Variants in NUDCD1 observed in about 807,000 individuals in gnomAD.
NUDCD1 encodes the protein NudC domain containing 1.
A neutral mutation model predicts 67.8 loss-of-function variants in NUDCD1; 60 were observed. The ratio of observed to expected loss-of-function variants is 0.88; its 90% CI spans 0.72 to 1.10. The LOEUF (loss-of-function observed/expected upper bound fraction) is 1.10. Ranked by LOEUF, NUDCD1 falls within the 50% of genes least tolerant of loss-of-function variation. NUDCD1 has a pLI of 0.00. For synonymous variants in NUDCD1, 244 were observed against 230.8 expected (o/e 1.06, Z -0.52); for missense variants, 643 against 695.0 (o/e 0.93, Z 0.84).
chr8:109,268,336 C>A (rs1373702123), intron 8 of NUDCD1, among the ~76,000 whole-genome samples: 1 of 152,132 alleles, frequency 6.6e-6, no homozygotes, highest in African/African-American at 2.4e-5. Flanking sequence ...CCTCTAGGGG[C>A]AGCCAGAGCT....
At position 109,289,770 on chromosome 8, in the gene NUDCD1, G is replaced by T; in HGVS notation, c.804C>A (p.Asp268Glu). The T allele has an allele frequency of 2.0e-6, 3 of 1,514,052 alleles. No individual in the cohort carries two copies. The highest frequency in any genetic ancestry group is 2.7e-6 in the Non-Finnish European group (3 of 1,100,326). 93.8% of individuals were successfully genotyped at this position (1,514,052 alleles called of 1,614,324 possible). A position where few individuals can be genotyped will look rare whatever the true frequency, so the allele number is the denominator to read the frequency against. ...GQDLEENMDE[D>E]ISEKIKEPLY... The stretch of plus-strand genomic sequence containing the variant: ...AATTACCTTTGATTTTCTCTGATAT[G>T]TCTTCATCCATATTTTCTTCAAGAT... The change falls in exon 5 of 10, where the codon GAC becomes GAA. Residue 268 changes from aspartate to glutamate, a missense_variant. Physicochemically the swap from Asp to Glu is conservative, Grantham distance 45. Transcript: ENST00000239690.
At chr8:109,262,107 A>T (rs918875604) in intron 8 of NUDCD1, among the ~76,000 whole-genome samples, 1 of 152,228 alleles carries the variant, frequency 6.6e-6, no homozygotes, top group Non-Finnish European at 1.5e-5. Flanking sequence ...GGAATCTACC[A>T]AGAAAAAGAA....
intron 1 of NUDCD1, 108 bp downstream of exon 1, chr8:109,333,785 C>T: frequency 1.6e-6 from 2 of 1,227,278 alleles, no homozygotes; most frequent in Non-Finnish European, 2.3e-6. Flanking sequence ...CAAGCCGCCA[C>T]GGTGGCTTCG....
At chr8:109,253,319 A>T (rs1184742148) in intron 8 of NUDCD1, among the ~76,000 whole-genome samples, 1 of 152,186 alleles carries the variant, frequency 6.6e-6, no homozygotes, top group Non-Finnish European at 1.5e-5. Flanking sequence ...AGTGATCAAT[A>T]AGTAGAAGTA....
intron 1 of NUDCD1, among the ~76,000 whole-genome samples, chr8:109,330,379 T>G (rs1301089341): frequency 6.6e-6 from 1 of 152,200 alleles, no homozygotes; most frequent in Non-Finnish European, 1.5e-5. Context: ...GTAGCCAAGG[T>G]GCCCATCAAA....
At chr8:109,290,117 T>C (rs1381723164) in intron 4 of NUDCD1, among the ~76,000 whole-genome samples, 184 bp from the exon 5 acceptor site, 2 of 152,204 alleles carry the variant, frequency 1.3e-5, no homozygotes, top group African/African-American at 4.8e-5. Context: ...AATAAGTCCC[T>C]ATTTTAAAAT....
At chr8:109,250,031 A>AG (rs1164311078) in intron 8 of NUDCD1, among the ~76,000 whole-genome samples, 1 of 151,612 alleles carries the variant, frequency 6.6e-6, no homozygotes, top group Admixed American at 6.6e-5. Context: ...TTTTTTGTAG[A>AG]GATGAGGGGT....
chr8:109,271,457 C>CGA (rs1563666555), intron 7 of NUDCD1, among the ~76,000 whole-genome samples: 1 of 152,112 alleles, frequency 6.6e-6, no homozygotes, highest in Non-Finnish European at 1.5e-5. Context: ...ACAGATGTGA[C>CGA]AGACAGCTGA....
intron 8 of NUDCD1, among the ~76,000 whole-genome samples, chr8:109,260,100 C>T (rs1195149795): frequency 6.6e-6 from 1 of 152,162 alleles, no homozygotes; most frequent in Non-Finnish European, 1.5e-5. Context: ...TTAAAGCTGT[C>T]ATTAAAGTGA....
At chr8:109,306,110 C>T (rs1442034428) in intron 2 of NUDCD1, among the ~76,000 whole-genome samples, 2 of 152,194 alleles carry the variant, frequency 1.3e-5, no homozygotes, top group African/African-American at 4.8e-5. Context: ...ACTCACCACT[C>T]TCAACTACTC....
chr8:109,274,070 G>A (rs1211354655), intron 7 of NUDCD1, among the ~76,000 whole-genome samples: 2 of 152,010 alleles, frequency 1.3e-5, no homozygotes, highest in East Asian at 1.9e-4. Context: ...TTTCTTCAAT[G>A]TAATAAAAAG....
chr8:109,326,325 G>A (rs1164330122), intron 1 of NUDCD1, among the ~76,000 whole-genome samples: 1 of 152,086 alleles, frequency 6.6e-6, no homozygotes, highest in Non-Finnish European at 1.5e-5. Context: ...CACCTCTCTG[G>A]CCTCAAATGA....
intron 5 of NUDCD1, among the ~76,000 whole-genome samples, chr8:109,289,550 A>C (rs940239955): frequency 6.6e-6 from 1 of 152,204 alleles, no homozygotes; most frequent in African/African-American, 2.4e-5. Flanking sequence ...GGTAATAACA[A>C]AATGATCAAA....
At chr8:109,312,617 G>A (rs936033952) in intron 2 of NUDCD1, among the ~76,000 whole-genome samples, 11 of 152,064 alleles carry the variant, frequency 7.2e-5, no homozygotes, top group South Asian at 2.1e-4. Context: ...TTTTAATAAC[G>A]AAAAGGAAAA....
intron 1 of NUDCD1, chr8:109,329,819 C>T (rs761754993): frequency 2.6e-6 from 4 of 1,550,848 alleles, no homozygotes; most frequent in Non-Finnish European, 3.5e-6. Context: ...CATGCTCCAA[C>T]CCTGGAGATA....
chr8:109,259,188 C>G (rs1813809043), intron 8 of NUDCD1, among the ~76,000 whole-genome samples: 1 of 152,164 alleles, frequency 6.6e-6, no homozygotes, highest in African/African-American at 2.4e-5. Context: ...AAGCAAAAGG[C>G]AGATTTGTTT....
intron 2 of NUDCD1, among the ~76,000 whole-genome samples, chr8:109,313,599 T>C (rs1367435044): frequency 2.6e-5 from 4 of 152,176 alleles, no homozygotes; most frequent in Admixed American, 2.6e-4. Flanking sequence ...TTAAAGGTAT[T>C]AGTAAGATAC....
chr8:109,243,521 C>T (rs538590554), intron 9 of NUDCD1, among the ~76,000 whole-genome samples: 8 of 152,104 alleles, frequency 5.3e-5, no homozygotes, highest in Non-Finnish European at 1.2e-4. Context: ...AGGAACAAAA[C>T]AGATATGGCT....
intron 4 of NUDCD1, among the ~76,000 whole-genome samples, chr8:109,292,055 T>C (rs1199358712): frequency 2.0e-5 from 3 of 152,140 alleles, no homozygotes; most frequent in Non-Finnish European, 4.4e-5. Context: ...GCATGAATTT[T>C]ATATTTTTAA....
Sources: allele counts gnomAD v4.1 joint callset (sites outside exome capture counted in the v4.1 genomes callset), GRCh38; gene constraint gnomAD v4.1.1; transcripts MANE v1.5; gene names NCBI Gene and HGNC (gene_info 2026-07-23, HGNC 2026-07-21).